CD226: variants seen among roughly 807,000 people sequenced by gnomAD.
CD226 encodes CD226 molecule.
CD226 carries 24 observed loss-of-function variants against 34.9 expected under a neutral mutation model. The observed-to-expected ratio is 0.69, with a 90% CI of 0.50 to 0.97. CD226 has a LOEUF of 0.97. CD226 is among the 50% of genes least tolerant of loss of function. The pLI is 0.00. For synonymous variants in CD226, 148 were observed against 147.4 expected (o/e 1.00, Z -0.03); for missense variants, 397 against 412.7 (o/e 0.96, Z 0.33).
chr18:69,916,848 G>A (rs2055392231), intron 2 of CD226, among the ~76,000 whole-genome samples: 1 of 152,128 alleles, frequency 6.6e-6, no homozygotes. Flanking sequence ...TTCTGCATAC[G>A]AATTCTGAAC....
At chr18:69,957,486 C>T (rs913664875), upstream of CD226, among the ~76,000 whole-genome samples, 19 of 152,118 alleles carry the variant, frequency 1.2e-4, no homozygotes, top group East Asian at 5.8e-4. Context: ...GCCATGGCAA[C>T]GTTAGTTTTA....
rs1254346138 is a variant in CD226, at chr18:69,859,055, CTT to C, written c.*5257_*5258del. On this transcript the variant is annotated 3_prime_UTR_variant, in exon 6 of 6. Coordinates refer to ENST00000582621, the MANE Select transcript of CD226 (RefSeq NM_001303618.2). The stretch of plus-strand genomic sequence containing the variant: ...CAGACACAAAAGCAAACATAATAGA[CTT>C]ATTATTCCTTGTTATGGGCACTCGT... 6.6e-6 allele frequency: 1 copy of C among 151,928 alleles called. No individual in the cohort carries two copies. Among genetic ancestry groups the C allele is most frequent in the Admixed American group, 6.6e-5 (1 of 15,252 alleles). The allele number at this position is 151,928 out of a possible 1,614,324, so 9.4% of individuals were successfully genotyped here.
At chr18:69,959,311 CAG>C (rs1423825441), upstream of CD226, among the ~76,000 whole-genome samples, 1 of 152,192 alleles carries the variant, frequency 6.6e-6, no homozygotes, top group African/African-American at 2.4e-5. Context: ...GATTACCACT[CAG>C]AGATCAACAA....
rs923640979 is a variant in CD226 at position 69,857,892 on chromosome 18, C to T, written c.*6422G>A. On this transcript the variant is annotated 3_prime_UTR_variant, in exon 6 of 6. Coordinates refer to ENST00000582621, the MANE Select transcript of CD226 (RefSeq NM_001303618.2). The stretch of plus-strand genomic sequence containing the variant: ...TACAAGTTTTCCATTTAAAAATGGA[C>T]AAAAATCAACTTCTTACTTGAAATT... 1.3e-5 allele frequency: 2 copies of T among 151,886 alleles called. No individual in the cohort carries two copies. The highest frequency in any genetic ancestry group is 2.9e-5 in the Non-Finnish European group (2 of 67,956). 9.4% of individuals were successfully genotyped at this position (151,886 alleles called of 1,614,324 possible).
Position 69,947,413 on chromosome 18 carries a change from A to C in CD226, c.-7T>G. ...GTAAAGTAGGATAATCCATCTCTGGAAACTGTTTGAAAGGCTGGTTCTATT... is the reference window on the plus strand; with the variant it reads ...GTAAAGTAGGATAATCCATCTCTGGCAACTGTTTGAAAGGCTGGTTCTATT... On this transcript the variant is annotated 5_prime_UTR_variant, in exon 1 of 6. Coordinates refer to ENST00000582621, the MANE Select transcript of CD226 (RefSeq NM_001303618.2). The C allele has an allele frequency of 6.3e-7, 1 of 1,580,918 alleles. No homozygotes were observed.
upstream of CD226, among the ~76,000 whole-genome samples, chr18:69,951,044 C>G (rs2055849956): frequency 6.7e-6 from 1 of 149,538 alleles, no homozygotes. Flanking sequence ...GTTGTCCAGG[C>G]TGATCTCAAA....
intron 2 of CD226, chr18:69,944,345 C>T (rs2055763636): frequency 6.6e-6 from 1 of 152,142 alleles, no homozygotes; most frequent in Non-Finnish European, 1.5e-5. Context: ...CTGAAAATCT[C>T]CACATTGTAT....
At chr18:69,890,337 T>C (rs1055906362) in intron 3 of CD226, among the ~76,000 whole-genome samples, 4 of 152,084 alleles carry the variant, frequency 2.6e-5, no homozygotes, top group African/African-American at 4.8e-5. Flanking sequence ...TGGTTCACAC[T>C]ACCAATCCCA....
chr18:69,893,404 G>A (rs561537884), intron 3 of CD226, among the ~76,000 whole-genome samples: 1 of 152,300 alleles, frequency 6.6e-6, no homozygotes, highest in Non-Finnish European at 1.5e-5. Flanking sequence ...ATTAATAAGA[G>A]TTAAATAACC....
chr18:69,903,943 G>A (rs1455582945), intron 2 of CD226, among the ~76,000 whole-genome samples: 1 of 152,138 alleles, frequency 6.6e-6, no homozygotes, highest in Non-Finnish European at 1.5e-5. Flanking sequence ...TACAGTCTGG[G>A]CCTCGCCAGC....
chr18:69,919,213 G>T (rs577053787), intron 2 of CD226, among the ~76,000 whole-genome samples: 11 of 152,274 alleles, frequency 7.2e-5, no homozygotes, highest in African/African-American at 2.6e-4. Flanking sequence ...TTGCCACTTC[G>T]TTTCTCAAGG....
At chr18:69,933,062 C>T (rs1379186507) in intron 2 of CD226, among the ~76,000 whole-genome samples, 3 of 152,200 alleles carry the variant, frequency 2.0e-5, no homozygotes, top group African/African-American at 7.2e-5. Flanking sequence ...GTGGGCTGCA[C>T]CGTGGGGGCA....
intron 3 of CD226, among the ~76,000 whole-genome samples, chr18:69,875,304 A>T (rs1053085602): frequency 5.3e-5 from 8 of 151,990 alleles, no homozygotes; most frequent in African/African-American, 1.5e-4. Flanking sequence ...CACCCAGCTA[A>T]TTTTTGTATT....
chr18:69,927,283 C>T (rs115124600), intron 2 of CD226, among the ~76,000 whole-genome samples: 1,863 of 151,798 alleles, frequency 0.012, 39 homozygotes, highest in African/African-American at 0.043. Context: ...GCCTCTAGAA[C>T]GGTGAGATAT....
At position 69,947,633 on chromosome 18, in the gene CD226, C is replaced by T. The variant is rs1332944463; in HGVS notation, c.-227G>A. The T allele has an allele frequency of 1.9e-5, 7 of 373,706 alleles. No homozygotes were observed. Among genetic ancestry groups the T allele is most frequent in the African/African-American group, 4.2e-5 (2 of 47,548 alleles). The allele number at this position is 373,706 out of a possible 1,614,324, so 23.1% of individuals were successfully genotyped here. ...GTTTCTTCTCTCTCGGGGAACCAGT[C>T]GGCTTATTTTCGGGCTTTCATTTTC... On this transcript the variant is annotated 5_prime_UTR_variant, in exon 1 of 6. Transcript: ENST00000582621.
At chr18:69,916,820 T>C (rs2055391818) in intron 2 of CD226, among the ~76,000 whole-genome samples, 1 of 152,210 alleles carries the variant, frequency 6.6e-6, no homozygotes, top group South Asian at 2.1e-4. Flanking sequence ...TAAGGGATGT[T>C]GAGAGAGCAG....
chr18:69,905,512 C>T (rs1193328926), intron 2 of CD226, among the ~76,000 whole-genome samples: 1 of 152,096 alleles, frequency 6.6e-6, no homozygotes, highest in African/African-American at 2.4e-5. Flanking sequence ...AAGGTGAGTG[C>T]ACCGCGGGGC....
chr18:69,871,244 A>C (rs905444794), intron 4 of CD226, among the ~76,000 whole-genome samples: 3 of 152,158 alleles, frequency 2.0e-5, no homozygotes, highest in Non-Finnish European at 4.4e-5. Flanking sequence ...AAGGTGAAAA[A>C]GTGGAAGAGT....
In CD226 at chr18:69,856,961, G is replaced by A. The variant is rs1982628236; in HGVS notation, c.*7353C>T. 6.6e-6 allele frequency: 1 copy of A among 152,244 alleles called. No homozygotes were observed. Among genetic ancestry groups the A allele is most frequent in the Non-Finnish European group, 1.5e-5 (1 of 68,074 alleles). The allele number at this position is 152,244 out of a possible 1,614,324, so 9.4% of individuals were successfully genotyped here. ...AGGCGGGCGGATCACGAGGTCAGGAGATCGAGACCACCCTGGCTAACACGG... is the reference window on the plus strand; with the variant it reads ...AGGCGGGCGGATCACGAGGTCAGGAAATCGAGACCACCCTGGCTAACACGG... On this transcript the variant is annotated 3_prime_UTR_variant, in exon 6 of 6. Coordinates refer to ENST00000582621, the MANE Select transcript of CD226 (RefSeq NM_001303618.2).
Sources: allele counts gnomAD v4.1 joint callset (sites outside exome capture counted in the v4.1 genomes callset), GRCh38; gene constraint gnomAD v4.1.1; transcripts MANE v1.5; gene names NCBI Gene and HGNC (gene_info 2026-07-23, HGNC 2026-07-21).